The following GMDS variants were observed in gnomAD, a reference collection of about 807,000 sequenced individuals.
The protein encoded by GMDS is GDP-mannose 4,6-dehydratase, also known as GDP-mannose 4,6 dehydratase.
GMDS carries 20 observed loss-of-function variants against 49.9 expected under a neutral mutation model. The ratio of observed to expected loss-of-function variants is 0.40; its 90% CI spans 0.28 to 0.58. The LOEUF is 0.58. Among genes scored for constraint, GMDS ranks in the 20% least tolerant of loss-of-function variants. The probability of loss-of-function intolerance (pLI) is 0.42; values close to 1 mark genes in which losing one functional copy is unlikely to be tolerated. For synonymous variants in GMDS, 177 were observed against 178.6 expected (o/e 0.99, Z 0.07); for missense variants, 362 against 481.4 (o/e 0.75, Z 2.32).
chr6:1,883,442 C>T (rs1175735361), intron 7 of GMDS, among the ~76,000 whole-genome samples: 4 of 152,016 alleles, frequency 2.6e-5, no homozygotes, highest in Admixed American at 6.6e-5. Flanking sequence ...CACAATTGTC[C>T]ATTTATCTTT....
chr6:2,050,328 G>A (rs984535398), intron 4 of GMDS, among the ~76,000 whole-genome samples: 1 of 152,114 alleles, frequency 6.6e-6, no homozygotes, highest in African/African-American at 2.4e-5. Context: ...ACCAAACCAG[G>A]AAGAAGTTGA....
intron 1 of GMDS, among the ~76,000 whole-genome samples, chr6:2,226,900 T>C (rs1372041834): frequency 6.6e-6 from 1 of 152,224 alleles, no homozygotes; most frequent in African/African-American, 2.4e-5. Flanking sequence ...CAGTACTTGA[T>C]GACTCTGAAA....
At chr6:2,209,173 T>C (rs571220742) in intron 1 of GMDS, among the ~76,000 whole-genome samples, 103 of 152,326 alleles carry the variant, frequency 6.8e-4, no homozygotes, top group African/African-American at 2.4e-3. Context: ...ACTTCCTAAC[T>C]ATTCTGGTGT....
intron 9 of GMDS, among the ~76,000 whole-genome samples, chr6:1,686,938 A>AT (rs1346628970): frequency 6.6e-6 from 1 of 152,254 alleles, no homozygotes; most frequent in Non-Finnish European, 1.5e-5. Context: ...TTATAGTCAG[A>AT]TAATAGCTAC....
At chr6:2,148,048 T>C (rs576609356) in intron 1 of GMDS, among the ~76,000 whole-genome samples, 27 of 152,146 alleles carry the variant, frequency 1.8e-4, no homozygotes, top group Admixed American at 2.6e-4. Flanking sequence ...ACCCATACCA[T>C]AGAATTAAAC....
At chr6:2,027,231 G>A (rs1317283819) in intron 4 of GMDS, among the ~76,000 whole-genome samples, 2 of 152,158 alleles carry the variant, frequency 1.3e-5, no homozygotes, top group African/African-American at 2.4e-5. Flanking sequence ...CCAGAGGAAG[G>A]AGCGAACACA....
intron 7 of GMDS, among the ~76,000 whole-genome samples, chr6:1,754,845 C>T (rs1368327194): frequency 6.6e-6 from 1 of 152,176 alleles, no homozygotes; most frequent in African/African-American, 2.4e-5. Flanking sequence ...ATGCTAAAAA[C>T]TCTCAATAAA....
intron 7 of GMDS, among the ~76,000 whole-genome samples, chr6:1,890,878 C>T (rs1417007179): frequency 5.9e-5 from 9 of 152,110 alleles, no homozygotes; most frequent in South Asian, 2.1e-4. Flanking sequence ...TTACCCCAGC[C>T]GTGTCAATGT....
intron 1 of GMDS, among the ~76,000 whole-genome samples, chr6:2,173,106 T>C (rs1010866965): frequency 3.9e-5 from 6 of 152,126 alleles, no homozygotes; most frequent in Non-Finnish European, 8.8e-5. Context: ...AATTAATGGA[T>C]TAAAAAAGAA....
At chr6:2,242,460 G>A (rs1246882353) in intron 1 of GMDS, among the ~76,000 whole-genome samples, 3 of 152,188 alleles carry the variant, frequency 2.0e-5, no homozygotes, top group Non-Finnish European at 2.9e-5. Flanking sequence ...CTGACAATAC[G>A]TACTAGAGAT....
At chr6:1,979,744 TC>T (rs1171472063) in intron 4 of GMDS, among the ~76,000 whole-genome samples, 1 of 152,002 alleles carries the variant, frequency 6.6e-6, no homozygotes, top group Non-Finnish European at 1.5e-5. Context: ...CACATAATCA[TC>T]AGATTCTCCA....
chr6:1,721,774 C>T (rs1049856862), intron 9 of GMDS, among the ~76,000 whole-genome samples: 13 of 151,880 alleles, frequency 8.6e-5, no homozygotes, highest in South Asian at 6.2e-4. Context: ...CATAAGAAGA[C>T]GACATATTTG....
chr6:2,009,509 A>G (rs995818973), intron 4 of GMDS, among the ~76,000 whole-genome samples: 2 of 152,182 alleles, frequency 1.3e-5, no homozygotes, highest in Non-Finnish European at 2.9e-5. Context: ...AACTTTTCAC[A>G]ATGCCACAAA....
intron 9 of GMDS, among the ~76,000 whole-genome samples, chr6:1,664,746 T>C (rs1209885079): frequency 6.6e-6 from 1 of 152,202 alleles, no homozygotes; most frequent in African/African-American, 2.4e-5. Context: ...AAGCATAATA[T>C]TTAATTTGGA....
intron 4 of GMDS, among the ~76,000 whole-genome samples, chr6:2,105,376 A>G (rs755480843): frequency 6.6e-6 from 1 of 152,210 alleles, no homozygotes; most frequent in Non-Finnish European, 1.5e-5. Context: ...TCTCTAGGGA[A>G]GATGGAGAAA....
At chr6:1,717,899 T>C (rs1766229106) in intron 9 of GMDS, among the ~76,000 whole-genome samples, 1 of 152,126 alleles carries the variant, frequency 6.6e-6, no homozygotes, top group South Asian at 2.1e-4. Flanking sequence ...TGAAATTGGG[T>C]CTCTGCTTGC....
intron 7 of GMDS, among the ~76,000 whole-genome samples, chr6:1,887,701 C>T (rs1759673627): frequency 6.6e-6 from 1 of 152,130 alleles, no homozygotes; most frequent in African/African-American, 2.4e-5. Context: ...TCTTCTTCCT[C>T]CCAAATTACT....
chr6:1,908,197 C>A (rs1024185856), intron 7 of GMDS, among the ~76,000 whole-genome samples: 2 of 152,118 alleles, frequency 1.3e-5, no homozygotes, highest in African/African-American at 4.8e-5. Context: ...CACGTCCGGG[C>A]AGAACGAAGT....
intron 6 of GMDS, among the ~76,000 whole-genome samples, chr6:1,939,812 A>G (rs17134506): frequency 0.027 from 4,184 of 152,296 alleles, 163 homozygotes; most frequent in East Asian, 0.18. Context: ...ATTTGATTGC[A>G]TATTAGGTCA....
Sources: gnomAD v4.1 joint callset for allele counts (sites outside exome capture counted in the v4.1 genomes callset) on GRCh38, gnomAD v4.1.1 for gene constraint, MANE v1.5 for transcripts, NCBI Gene and HGNC (gene_info 2026-07-23, HGNC 2026-07-21) for gene names.